Variants in DHX40 observed in about 807,000 individuals in gnomAD.
The protein encoded by DHX40 is DEAH-box helicase 40.
In DHX40, 28 loss-of-function variants were observed where a neutral mutation model predicts 89.6. The observed-to-expected ratio is 0.31, with a 90% confidence interval of 0.23 to 0.43. The LOEUF (loss-of-function observed/expected upper bound fraction) is 0.43, where lower values mean the gene tolerates loss of function less well. Ranked by LOEUF, DHX40 falls within the 20% of genes least tolerant of loss-of-function variation. DHX40 has a pLI of 1.00. For missense variants in DHX40, 457 were observed against 844.0 expected (o/e 0.54, Z 5.68); for synonymous variants, 226 against 283.6 (o/e 0.80, Z 2.04).
At chr17:59,605,253 C>T in intron 16 of DHX40, 69 bp downstream of exon 16, 1 of 1,480,072 alleles carries the variant, frequency 6.8e-7, no homozygotes, top group African/African-American at 1.4e-5. Flanking sequence ...ATACAAATGT[C>T]TTCTACTTTT....
chr17:59,581,085 A>AC (rs2048940377), intron 10 of DHX40, among the ~76,000 whole-genome samples: 1 of 150,718 alleles, frequency 6.6e-6, no homozygotes, highest in African/African-American at 2.5e-5. Context: ...CTGTCTCAAA[A>AC]AAAACAAAAC....
chr17:59,602,414 C>G, intron 14 of DHX40, 108 bp from the exon 15 acceptor site: 1 of 975,720 alleles, frequency 1.0e-6, no homozygotes, highest in Non-Finnish European at 1.5e-6. Context: ...CTCTCTTAAT[C>G]TATGTTGGCC....
At position 59,570,203 on chromosome 17, in the gene DHX40, AAT is replaced by A. The variant is rs540028888; in HGVS notation, c.281-308_281-307del. ...ATATATATAATATATAATATATTAT[AAT>A]ATATATTATATATTAAATATATATT... On this transcript the variant is annotated intron_variant, in intron 2 of 17. Transcript: ENST00000251241. Among the ~76,000 whole-genome samples, 64 of 123,158 alleles carry A rather than the reference AAT, an allele frequency of 5.2e-4. No homozygotes were observed. In the East Asian group the frequency reaches 5.9e-3, roughly 11 times the overall value. The allele number at this position is 123,158 out of a possible 152,430, so 80.8% of individuals were successfully genotyped here.
intron 10 of DHX40, among the ~76,000 whole-genome samples, chr17:59,581,909 A>C (rs1941189317): frequency 1.6e-5 from 2 of 122,298 alleles, no homozygotes; most frequent in Admixed American, 8.2e-5. Context: ...ATATGTAGAT[A>C]CTGGAAAGAG....
At chr17:59,605,793 C>G (rs771744080) in intron 17 of DHX40, 119 bp downstream of exon 17, 51 of 958,148 alleles carry the variant, frequency 5.3e-5, no homozygotes, top group Non-Finnish European at 8.1e-5. Context: ...GAGATCCCAT[C>G]TCTAGCAAAA....
chr17:59,576,492 A>T (rs1460607236), intron 7 of DHX40, among the ~76,000 whole-genome samples: 1 of 152,152 alleles, frequency 6.6e-6, no homozygotes, highest in Non-Finnish European at 1.5e-5. Context: ...TGATTGGGTG[A>T]TTCTTATCCC....
At chr17:59,588,242 C>CAAAA (rs1198855530) in intron 12 of DHX40, among the ~76,000 whole-genome samples, 189 bp downstream of exon 12, 1 of 136,644 alleles carries the variant, frequency 7.3e-6, no homozygotes, top group African/African-American at 3.0e-5. Flanking sequence ...AAAAAAAAAA[C>CAAAA]CAAAAACAAA....
At chr17:59,596,534 C>T (rs1232380182) in intron 12 of DHX40, among the ~76,000 whole-genome samples, 1 of 152,196 alleles carries the variant, frequency 6.6e-6, no homozygotes, top group African/African-American at 2.4e-5. Flanking sequence ...CACCACTGCA[C>T]TCCAGCCTGG....
At chr17:59,571,455 C>T (rs1052197064) in intron 3 of DHX40, among the ~76,000 whole-genome samples, 1 of 12,224 alleles carries the variant, frequency 8.2e-5, no homozygotes, top group Non-Finnish European at 2.4e-4. Context: ...AAAACTCCAC[C>T]TCAAAAAAAA....
intron 2 of DHX40, among the ~76,000 whole-genome samples, chr17:59,569,375 TTTACTC>T (rs1199798015): frequency 6.7e-6 from 1 of 150,220 alleles, no homozygotes; most frequent in Non-Finnish European, 1.5e-5. Flanking sequence ...TAAATCCAGT[TTTACTC>T]TTGTGGCAAA....
At chr17:59,602,955 G>A (rs992535779) in intron 15 of DHX40, among the ~76,000 whole-genome samples, 3 of 152,190 alleles carry the variant, frequency 2.0e-5, no homozygotes, top group Non-Finnish European at 2.9e-5. Flanking sequence ...CCCTGAGGAA[G>A]GGTAGCTTGG....
At chr17:59,577,017 G>A (rs1362998169) in intron 7 of DHX40, 19 of 437,064 alleles carry the variant, frequency 4.3e-5, no homozygotes, top group Admixed American at 1.6e-4. Context: ...CTACAGGGGC[G>A]CGCCCCCACG....
intron 3 of DHX40, among the ~76,000 whole-genome samples, 175 bp downstream of exon 3, chr17:59,570,838 A>G (rs1482265838): frequency 6.6e-6 from 1 of 152,194 alleles, no homozygotes; most frequent in East Asian, 1.9e-4. Context: ...GCATGCCACC[A>G]TGCCCAGCTA....
intron 15 of DHX40, 92 bp from the exon 16 acceptor site, chr17:59,605,023 C>A: frequency 9.6e-7 from 1 of 1,039,196 alleles, no homozygotes; most frequent in Non-Finnish European, 1.5e-6. Flanking sequence ...TGTAGTAGAA[C>A]ATATTGTAAT....
At chr17:59,573,302 G>A (rs2048836368) in intron 4 of DHX40, 67 bp downstream of exon 4, 2 of 1,358,204 alleles carry the variant, frequency 1.5e-6, no homozygotes, top group Non-Finnish European at 2.0e-6. Flanking sequence ...TTTTTATTGT[G>A]TAGAGAATTG....
chr17:59,605,201 T>A lies in DHX40; in HGVS notation c.1971+17T>A. On this transcript the variant is annotated intron_variant, in intron 16 of 17. Coordinates refer to ENST00000251241, the MANE Select transcript of DHX40 (RefSeq NM_024612.5). ...TCCTCAGCAGTAAGTACTTCATTTT[T>A]AATAAAGGGAAGAAATTTGTAAAGT... 1 of 1,611,198 alleles carries A rather than the reference T, an allele frequency of 6.2e-7. No individual in the cohort carries two copies. The highest frequency in any genetic ancestry group is 2.2e-5 in the East Asian group (1 of 44,856).
chr17:59,566,759 A>T lies in DHX40; in HGVS notation c.245A>T (p.Lys82Ile). 1 of 1,590,874 alleles carries T rather than the reference A, an allele frequency of 6.3e-7. No homozygotes were observed. Among genetic ancestry groups the T allele is most frequent in the Non-Finnish European group, 8.5e-7 (1 of 1,174,134 alleles). ...LIVTGNTGSG[K>I]TTQLPKYLYE... ...GTTACTGGAAATACAGGAAGTGGTAAAACAACTCAACTCCCAAAATATCTA... is the reference window on the plus strand; with the variant it reads ...GTTACTGGAAATACAGGAAGTGGTATAACAACTCAACTCCCAAAATATCTA... Residue 82 changes from lysine (K) to isoleucine (I), a missense_variant, in exon 2 of 18, where the codon AAA (lysine) becomes ATA (isoleucine). By Grantham distance (102) the Lys-to-Ile change is moderately radical. Coordinates refer to ENST00000251241, the MANE Select transcript of DHX40 (RefSeq NM_024612.5).
At chr17:59,572,755 G>A (rs189631098) in intron 3 of DHX40, among the ~76,000 whole-genome samples, 2 of 152,222 alleles carry the variant, frequency 1.3e-5, no homozygotes, top group African/African-American at 2.4e-5. Flanking sequence ...CATTTCCCCC[G>A]AATCCTCTAA....
chr17:59,570,797 CT>C, intron 3 of DHX40, 134 bp downstream of exon 3: 2 of 832,744 alleles, frequency 2.4e-6, no homozygotes, highest in Non-Finnish European at 3.4e-6. Flanking sequence ...GATCTCCTAC[CT>C]CAGCCCCTTG....
Sources: allele counts gnomAD v4.1 joint callset (sites outside exome capture counted in the v4.1 genomes callset), GRCh38; gene constraint gnomAD v4.1.1; transcripts MANE v1.5; gene names NCBI Gene and HGNC (gene_info 2026-07-23, HGNC 2026-07-21).